GAS2L2: variants seen among roughly 807,000 people sequenced by gnomAD.
GAS2L2 encodes the protein GAS2-like protein 2.
A neutral mutation model predicts 35.2 loss-of-function variants in GAS2L2; 21 were observed. That is an observed-to-expected ratio of 0.60 (90% CI 0.42 to 0.86). The LOEUF is 0.86. Ranked by LOEUF, GAS2L2 falls within the 40% of genes least tolerant of loss-of-function variation. GAS2L2 has a pLI of 0.00. For missense variants in GAS2L2, 1,169 were observed against 1,144.4 expected, an observed-to-expected ratio of 1.02 and a Z score of -0.31; for synonymous variants, 490 against 473.2, an observed-to-expected ratio of 1.04 and a Z score of -0.46.
intron 2 of GAS2L2, among the ~76,000 whole-genome samples, chr17:35,749,846 T>C (rs1555599507): frequency 2.0e-5 from 3 of 152,162 alleles, no homozygotes; most frequent in Non-Finnish European, 4.4e-5. Context: ...GGGCATCCAG[T>C]GCTGGGTTGG....
rs1555598755 is a variant in GAS2L2, at chr17:35,745,443, A to G, written c.2054T>C (p.Val685Ala). 6.3e-7 allele frequency: 1 copy of G among 1,578,884 alleles called. No individual in the cohort carries two copies. Among genetic ancestry groups the G allele is most frequent in the South Asian group, 1.2e-5 (1 of 85,550 alleles). Residue 685 changes from valine (V) to alanine (A), a missense_variant, in exon 6 of 6, where the codon GTT becomes GCT. By Grantham distance (64) the Val-to-Ala change is moderately conservative. Around this residue, in one of 3 missense-constraint regions of GAS2L2, gnomAD observed 1,035 missense variants for 976.5 expected, o/e 1.06. Coordinates refer to ENST00000604641, the MANE Select transcript of GAS2L2 (RefSeq NM_139285.4). ...TTTGAGGCTTCCCGGTCCTGGGGTA[A>G]CAGCTGGCTTAGGGGAGCCAGTCGG... ...AAPTGSPKPA[V>A]TPGPGSLKGK... is the part of the protein sequence containing the mutation.
At chr17:35,746,969 G>A (rs2085672075) in intron 5 of GAS2L2, 47 bp downstream of exon 5, 1 of 1,499,348 alleles carries the variant, frequency 6.7e-7, no homozygotes. Context: ...CTCTGAGAAT[G>A]TGCACTCCAA....
chr17:35,750,017 G>C lies in GAS2L2; in HGVS notation c.627+60C>G, dbSNP rs1393190255. On this transcript the variant is annotated intron_variant, in intron 2 of 5. Transcript: ENST00000604641. ...TTAGTGGGGGCTGGAGTGGGACTGG[G>C]GAGAGGAGCACGAAGGACAAAGGGA... The C allele has an allele frequency of 2.2e-5, 34 of 1,555,184 alleles. No homozygotes were observed. In the East Asian group the frequency reaches 7.6e-4, roughly 35 times the overall value.
chr17:35,751,412 A>C (rs1568105899), intron 1 of GAS2L2, among the ~76,000 whole-genome samples: 1 of 152,118 alleles, frequency 6.6e-6, no homozygotes, highest in Non-Finnish European at 1.5e-5. Flanking sequence ...TCACACCTGC[A>C]ATCTCGGCAG....
chr17:35,746,936 C>CT, intron 5 of GAS2L2, 80 bp downstream of exon 5: 1 of 1,415,596 alleles, frequency 7.1e-7, no homozygotes, highest in Middle Eastern at 1.9e-4. Context: ...GGATCTGCTC[C>CT]TTTTATCTTG....
intron 5 of GAS2L2, among the ~76,000 whole-genome samples, 188 bp downstream of exon 5, chr17:35,746,828 T>C (rs1433554994): frequency 6.6e-6 from 1 of 152,128 alleles, no homozygotes; most frequent in Non-Finnish European, 1.5e-5. Flanking sequence ...TCCTCATCTG[T>C]GAAATGGGAA....
rs1555599405 is a variant in GAS2L2, at chr17:35,749,146, G to A, written c.699C>T (p.Tyr233=). ...FSMVKVSEGK[Y]RVGDSNTLIF... ...TGAGGGTGTTGGAGTCACCCACACG[G>A]TACTTCCCCTCAGACACTTTGACCA... Residue 233 remains tyrosine (Y), a synonymous_variant, in exon 3 of 6, where the codon TAC becomes TAT. Coordinates refer to ENST00000604641, the MANE Select transcript of GAS2L2 (RefSeq NM_139285.4). The A allele has an allele frequency of 6.2e-7, 1 of 1,613,972 alleles. No homozygotes were observed. The highest frequency in any genetic ancestry group is 1.7e-5 in the Admixed American group (1 of 60,008).
intron 5 of GAS2L2, 129 bp downstream of exon 5, chr17:35,746,887 G>A (rs782427684): frequency 2.2e-6 from 2 of 913,512 alleles, no homozygotes; most frequent in Non-Finnish European, 1.6e-6. Context: ...TATGCTTCTG[G>A]TTCCAAAACC....
rs587634676 is a variant in GAS2L2 at position 35,744,734 on chromosome 17, A to G, written c.*120T>C. ...GGAGTCTATATTTGTCTTCTGACCCACTCCTGCCCAAGGCCCTGTGTGGAG... is the reference window on the plus strand; with the variant it reads ...GGAGTCTATATTTGTCTTCTGACCCGCTCCTGCCCAAGGCCCTGTGTGGAG... On this transcript the variant is annotated 3_prime_UTR_variant, in exon 6 of 6. Coordinates refer to ENST00000604641, the MANE Select transcript of GAS2L2 (RefSeq NM_139285.4). 7.8e-4 allele frequency: 596 copies of G among 763,080 alleles called. 1 individual carries two copies. In the African/African-American group the frequency reaches 9.7e-3, roughly 12 times the overall value. 47.3% of individuals were successfully genotyped at this position (763,080 alleles called of 1,614,324 possible). A position where few individuals can be genotyped will look rare whatever the true frequency, so the allele number is the denominator to read the frequency against.
At position 35,745,430 on chromosome 17, in the gene GAS2L2, C is replaced by A; in HGVS notation, c.2067G>T (p.Pro689=). The A allele has an allele frequency of 6.4e-7, 1 of 1,572,744 alleles. No individual in the cohort carries two copies. Residue 689 remains proline, a synonymous_variant, in exon 6 of 6, where the codon CCG becomes CCT. Coordinates refer to ENST00000604641, the MANE Select transcript of GAS2L2 (RefSeq NM_139285.4). ...CTCCCAACTTCCCTTTGAGGCTTCC[C>A]GGTCCTGGGGTAACAGCTGGCTTAG... ...GSPKPAVTPG[P]GSLKGKLGAR...
At chr17:35,750,742 C>A (rs151160231) in intron 1 of GAS2L2, among the ~76,000 whole-genome samples, 2 of 152,146 alleles carry the variant, frequency 1.3e-5, no homozygotes, top group African/African-American at 4.8e-5. Context: ...CTCCACCAGG[C>A]ATCTCAAACT....
rs782327875 is a variant in GAS2L2 at position 35,750,274 on chromosome 17, C to A, written c.430G>T (p.Val144Leu). The change falls in exon 2 of 6, where the codon GTG (valine) becomes TTG (leucine). Residue 144 changes from valine to leucine, a missense_variant. Coordinates refer to ENST00000604641, the MANE Select transcript of GAS2L2 (RefSeq NM_139285.4). ...ETEDLVLRKN[V>L]KNVVLCLLEL... is the part of the protein sequence containing the mutation. ...AGCAAACACAGCACCACGTTCTTCACGTTCTTGCGCAGCACCAAGTCCTCC... is the reference window on the plus strand; with the variant it reads ...AGCAAACACAGCACCACGTTCTTCAAGTTCTTGCGCAGCACCAAGTCCTCC... 5.6e-6 allele frequency: 9 copies of A among 1,613,754 alleles called. No homozygotes were observed. The South Asian group carries it at 7.7e-5, about 14-fold the overall frequency.
chr17:35,748,167 C>T (rs2085681644), intron 3 of GAS2L2, among the ~76,000 whole-genome samples: 1 of 152,206 alleles, frequency 6.6e-6, no homozygotes, highest in South Asian at 2.1e-4. Flanking sequence ...AAAGCTGTCC[C>T]ACAACTGGTC....
chr17:35,746,003 T>G lies in GAS2L2; in HGVS notation c.1494A>C (p.Gln498His), dbSNP rs782199853. Residue 498 changes from glutamine to histidine, a missense_variant, in exon 6 of 6, where the codon CAA becomes CAC. By Grantham distance (24) the Gln-to-His change is conservative. Around this residue, in one of 3 missense-constraint regions of GAS2L2, gnomAD observed 1,035 missense variants for 976.5 expected, o/e 1.06. Coordinates refer to ENST00000604641, the MANE Select transcript of GAS2L2 (RefSeq NM_139285.4). The stretch of plus-strand genomic sequence containing the variant: ...GCCGGATGGGGATCTTGGTTAGGCC[T>G]TGGACAGGGGTTGGAGAACGGACAG... ...PESVRSPTPV[Q>H]GLTKIPIRLP... 6.3e-7 allele frequency: 1 copy of G among 1,578,396 alleles called. No homozygotes were observed. Among genetic ancestry groups the G allele is most frequent in the Non-Finnish European group, 8.6e-7 (1 of 1,159,818 alleles).
intron 5 of GAS2L2, 141 bp downstream of exon 5, chr17:35,746,875 G>C (rs1555599050): frequency 1.3e-6 from 1 of 769,374 alleles, no homozygotes; most frequent in African/African-American, 1.7e-5. Context: ...AAAGGTACTG[G>C]GTATGCTTCT....
At chr17:35,749,059 T>C (rs782148308) in intron 3 of GAS2L2, 51 bp downstream of exon 3, 51 of 1,212,740 alleles carry the variant, frequency 4.2e-5, no homozygotes, top group Non-Finnish European at 1.6e-5. Context: ...GTCCCAAGCC[T>C]GGGCAAGAAA....
rs112674267 is a variant in GAS2L2 at position 35,745,551 on chromosome 17, C to T, written c.1946G>A (p.Gly649Asp). 2.6e-5 allele frequency: 42 copies of T among 1,613,364 alleles called. No homozygotes were observed. The highest frequency in any genetic ancestry group is 2.0e-4 in the African/African-American group (15 of 75,026). Residue 649 changes from glycine to aspartate, a missense_variant, in exon 6 of 6, where the codon GGT becomes GAT. Transcript: ENST00000604641. ...RLAGQWPEPG[G>D]PYDKAIQELA... ...TTCTTGGATGGCTTTGTCATAAGGA[C>T]CCCCAGGCTCAGGCCACTGCCCAGC...
chr17:35,746,128 GAGATGGTCCTCTTGC>G lies in GAS2L2; in HGVS notation c.1354_1368del (p.Ala452_Ser456del). The G allele has an allele frequency of 2.6e-6, 4 of 1,510,354 alleles. No individual in the cohort carries two copies. Among genetic ancestry groups the G allele is most frequent in the Middle Eastern group, 1.8e-4 (1 of 5,566 alleles). The allele number at this position is 1,510,354 out of a possible 1,614,324, so 93.6% of individuals were successfully genotyped here. On this transcript the variant is annotated inframe_deletion, in exon 6 of 6. Transcript: ENST00000604641. Reference sequence around the variant, plus strand: ...GCTGGGCCAAAGGAACGAGGCAGGGGAGATGGTCCTCTTGCTGATATCCCTTTGGTGGTGGCCTCA... The same window carrying G: ...GCTGGGCCAAAGGAACGAGGCAGGGGTGATATCCCTTTGGTGGTGGCCTCA...
intron 1 of GAS2L2, among the ~76,000 whole-genome samples, chr17:35,750,554 G>A (rs1555599662): frequency 6.6e-6 from 1 of 152,196 alleles, no homozygotes; most frequent in African/African-American, 2.4e-5. Flanking sequence ...CACAGGAGAG[G>A]CTGCGGGTGA....
Sources: allele counts gnomAD v4.1 joint callset (sites outside exome capture counted in the v4.1 genomes callset), GRCh38; gene constraint gnomAD v4.1.1; regional missense constraint gnomAD v4.1.1; transcripts MANE v1.5; gene names NCBI Gene and HGNC (gene_info 2026-07-23, HGNC 2026-07-21).